FILIP1L: variants seen among roughly 807,000 people sequenced by gnomAD.
FILIP1L encodes the protein filamin A interacting protein 1 like.
Under a neutral mutation model 96.6 loss-of-function variants are expected in FILIP1L, and 55 were observed. That is an observed-to-expected ratio of 0.57 (90% CI 0.46 to 0.71). The LOEUF is 0.71. FILIP1L is among the 30% of genes least tolerant of loss of function. The pLI is 0.00. For missense variants in FILIP1L, 1,304 were observed against 1,321.2 expected (o/e 0.99, Z 0.20); for synonymous variants, 467 against 473.9 (o/e 0.99, Z 0.19).
At chr3:100,038,564 C>G (rs932430970) in intron 1 of FILIP1L, among the ~76,000 whole-genome samples, 2 of 152,102 alleles carry the variant, frequency 1.3e-5, no homozygotes, top group Admixed American at 1.3e-4. Context: ...TTGGAAATAA[C>G]CTAAATGTAC....
intron 1 of FILIP1L, among the ~76,000 whole-genome samples, chr3:100,099,473 G>A (rs1383983687): frequency 6.6e-6 from 1 of 152,166 alleles, no homozygotes; most frequent in Non-Finnish European, 1.5e-5. Context: ...TTGTAGCTAG[G>A]ATGGTAGGAA....
intron 1 of FILIP1L, among the ~76,000 whole-genome samples, chr3:99,948,033 A>G (rs376605706): frequency 2.0e-5 from 3 of 152,352 alleles, no homozygotes; most frequent in South Asian, 4.1e-4. Flanking sequence ...TGGTGGTAAG[A>G]TAATAAGTAT....
chr3:100,019,850 T>C (rs1194277317), intron 1 of FILIP1L, among the ~76,000 whole-genome samples: 1 of 152,210 alleles, frequency 6.6e-6, no homozygotes, highest in Non-Finnish European at 1.5e-5. Context: ...TTTAATGTAC[T>C]TGGCATGTAT....
chr3:99,964,578 A>G lies in FILIP1L; in HGVS notation c.-10-33548T>C, dbSNP rs994216810. 3.3e-5 allele frequency among the ~76,000 whole-genome samples: 5 copies of G among 151,918 alleles called. No individual in the cohort carries two copies. In the South Asian group the frequency reaches 1.0e-3, roughly 32 times the overall value. On this transcript the variant is annotated intron_variant, in intron 1 of 5. Coordinates refer to ENST00000477258, the MANE Select transcript of FILIP1L (RefSeq NM_001387850.1). ...GTTCTTTGCACCATATCACTCTGAC[A>G]TTGAATCAGGTTCTTGTAGTGATCT...
intron 4 of FILIP1L, among the ~76,000 whole-genome samples, chr3:99,899,195 A>C (rs922991054): frequency 1.2e-4 from 18 of 152,142 alleles, no homozygotes; most frequent in Admixed American, 7.2e-4. Flanking sequence ...GTAGTTTCTG[A>C]TGTTCGTTGA....
At chr3:99,895,640 G>A (rs967720437) in intron 4 of FILIP1L, among the ~76,000 whole-genome samples, 1 of 152,092 alleles carries the variant, frequency 6.6e-6, no homozygotes, top group African/African-American at 2.4e-5. Context: ...GATAATCAGT[G>A]CAGATCGAAA....
At chr3:99,946,785 A>G (rs529156099) in intron 1 of FILIP1L, among the ~76,000 whole-genome samples, 165 of 152,272 alleles carry the variant, frequency 1.1e-3, no homozygotes, top group African/African-American at 3.8e-3. Context: ...TTCTTCCAGT[A>G]TGTTGGCTGC....
At chr3:100,039,470 A>G (rs2065164646) in intron 1 of FILIP1L, among the ~76,000 whole-genome samples, 1 of 152,186 alleles carries the variant, frequency 6.6e-6, no homozygotes, top group South Asian at 2.1e-4. Flanking sequence ...TTTAATACTT[A>G]ATGGAAAGGA....
chr3:100,036,621 C>T (rs1277736017), intron 1 of FILIP1L, among the ~76,000 whole-genome samples: 1 of 152,224 alleles, frequency 6.6e-6, no homozygotes, highest in African/African-American at 2.4e-5. Flanking sequence ...CACCATTTTG[C>T]AGCCATCATA....
intron 1 of FILIP1L, among the ~76,000 whole-genome samples, chr3:100,080,723 T>C (rs1024582453): frequency 4.6e-5 from 7 of 152,224 alleles, no homozygotes; most frequent in Non-Finnish European, 1.0e-4. Context: ...TTCTTGGTCA[T>C]ATCAGCTAAT....
chr3:99,849,537 C>T lies in FILIP1L; in HGVS notation c.2139G>A (p.Gly713=). The change falls in exon 5 of 6, where the codon GGG becomes GGA. Residue 713 remains glycine (G), a synonymous_variant. Coordinates refer to ENST00000477258, the MANE Select transcript of FILIP1L (RefSeq NM_001387850.1). ...KRLQEEEAKS[G]HLSREVDALK... ...ATGCATCCACTTCTCTTGAGAGGTG[C>T]CCTGACTTAGCTTCTTCTTCTTGAA... 2 of 1,613,140 alleles carry T rather than the reference C, an allele frequency of 1.2e-6. No individual in the cohort carries two copies. Among genetic ancestry groups the T allele is most frequent in the Non-Finnish European group, 1.7e-6 (2 of 1,179,842 alleles).
At chr3:100,080,217 C>T (rs1404752903) in intron 1 of FILIP1L, among the ~76,000 whole-genome samples, 1 of 152,064 alleles carries the variant, frequency 6.6e-6, no homozygotes, top group Non-Finnish European at 1.5e-5. Context: ...CTCCTGAGCT[C>T]AACCATCCAC....
At chr3:99,887,224 G>A (rs1433576866) in intron 4 of FILIP1L, among the ~76,000 whole-genome samples, 1 of 151,678 alleles carries the variant, frequency 6.6e-6, no homozygotes, top group East Asian at 1.9e-4. Flanking sequence ...CCGAGATTGA[G>A]CCATTGCACT....
intron 1 of FILIP1L, among the ~76,000 whole-genome samples, chr3:100,073,762 C>T (rs1376375707): frequency 6.6e-6 from 1 of 152,154 alleles, no homozygotes; most frequent in Admixed American, 6.5e-5. Context: ...GTGTGCCGGG[C>T]AAGATCTCCT....
chr3:99,868,907 A>C (rs1003982576), intron 4 of FILIP1L, among the ~76,000 whole-genome samples: 1 of 152,096 alleles, frequency 6.6e-6, no homozygotes, highest in Non-Finnish European at 1.5e-5. Flanking sequence ...CTGCTTTCTA[A>C]TTTGTTTTAG....
In FILIP1L at chr3:99,995,246, G is replaced by A. The variant is rs1203465431; in HGVS notation, c.-10-64216C>T. ...AAATTGGCCAAAACAAAGGGGCTAC[G>A]GGGCCCATGCAAGTCTGAAATTCAG... On this transcript the variant is annotated intron_variant, in intron 1 of 5. Coordinates refer to ENST00000477258, the MANE Select transcript of FILIP1L (RefSeq NM_001387850.1). Among the ~76,000 whole-genome samples the A allele has an allele frequency of 4.6e-5, 7 of 152,144 alleles. No homozygotes were observed. The East Asian group carries it at 7.7e-4, about 17-fold the overall frequency.
At chr3:100,099,667 A>G (rs1453415181) in intron 1 of FILIP1L, among the ~76,000 whole-genome samples, 1 of 152,208 alleles carries the variant, frequency 6.6e-6, no homozygotes, top group Non-Finnish European at 1.5e-5. Context: ...ATATAAATAT[A>G]CCATGTTATT....
At chr3:99,969,144 G>A in intron 1 of FILIP1L, among the ~76,000 whole-genome samples, 1 of 152,118 alleles carries the variant, frequency 6.6e-6, no homozygotes, top group East Asian at 1.9e-4. Flanking sequence ...TCTTGACCTG[G>A]AGTAAGAATA....
At chr3:99,843,845 C>G (rs905631774) in intron 5 of FILIP1L, among the ~76,000 whole-genome samples, 3 of 152,170 alleles carry the variant, frequency 2.0e-5, no homozygotes, top group African/African-American at 2.4e-5. Context: ...TGCCTCCTGT[C>G]AGATCAGCAG....
Sources: gnomAD v4.1 joint callset for allele counts (sites outside exome capture counted in the v4.1 genomes callset) on GRCh38, gnomAD v4.1.1 for gene constraint, MANE v1.5 for transcripts, NCBI Gene and HGNC (gene_info 2026-07-23, HGNC 2026-07-21) for gene names.